The following VAV2 variants were observed in gnomAD, a reference collection of about 807,000 sequenced individuals.
VAV2 encodes vav guanine nucleotide exchange factor 2.
In VAV2, 67 loss-of-function variants were observed where a neutral mutation model predicts 132.5. The ratio of observed to expected loss-of-function variants is 0.51; its 90% CI spans 0.42 to 0.62. The LOEUF is 0.62. Ranked by LOEUF, VAV2 falls within the 20% of genes least tolerant of loss-of-function variation. The probability of loss-of-function intolerance (pLI) is 0.00; values close to 1 mark genes in which losing one functional copy is unlikely to be tolerated. For missense variants in VAV2, 938 were observed against 1,153.6 expected (o/e 0.81, Z 2.71); for synonymous variants, 492 against 443.5 (o/e 1.11, Z -1.37).
Position 133,988,235 on chromosome 9 carries a change from C to T in VAV2, c.204+3840G>A, listed in dbSNP as rs146120986. ...CCAGGGATCACAGGCACCCACCCCC[C>T]ACCCCTGCCACCCCATGAAAAGAGA... is the stretch of plus-strand genomic sequence containing the variant. On this transcript the variant is annotated intron_variant, in intron 1 of 29. Transcript: ENST00000371850. 9.8e-3 allele frequency among the ~76,000 whole-genome samples: 1,480 copies of T among 150,542 alleles called. 23 individuals are homozygous for T. The highest frequency in any genetic ancestry group is 0.034 in the African/African-American group (1,389 of 41,354).
At position 133,788,312 on chromosome 9, in the gene VAV2, C is replaced by T. The variant is rs762986425; in HGVS notation, c.1407+42G>A. Reference sequence around the variant, plus strand: ...AACCCAGTGCCTCTCTCCAGGCCACCCCCACGTTCCTGGGTAGCAGGGGGG... The same window carrying T: ...AACCCAGTGCCTCTCTCCAGGCCACTCCCACGTTCCTGGGTAGCAGGGGGG... On this transcript the variant is annotated intron_variant, in intron 15 of 29. Coordinates refer to ENST00000371850, the MANE Select transcript of VAV2 (RefSeq NM_001134398.2). The surrounding 1 kb of genome is among the most constrained non-coding windows in gnomAD (Gnocchi z 5.3). 1.3e-6 allele frequency: 2 copies of T among 1,585,178 alleles called. No homozygotes were observed. Among genetic ancestry groups the T allele is most frequent in the East Asian group, 2.3e-5 (1 of 43,918 alleles).
intron 2 of VAV2, among the ~76,000 whole-genome samples, chr9:133,909,992 G>GC (rs35607097): frequency 6.6e-6 from 1 of 151,916 alleles, no homozygotes; most frequent in African/African-American, 2.4e-5. Context: ...CCATCAGACA[G>GC]CCCCCCACGA....
chr9:133,990,647 C>G (rs1352836405), intron 1 of VAV2, among the ~76,000 whole-genome samples: 1 of 152,224 alleles, frequency 6.6e-6, no homozygotes, highest in Admixed American at 6.5e-5. Context: ...TGGTTCGAGG[C>G]CCAGCCCTGC....
At chr9:133,792,712 A>C (rs1272974362) in intron 12 of VAV2, among the ~76,000 whole-genome samples, 2 of 108,312 alleles carry the variant, frequency 1.8e-5, no homozygotes, top group East Asian at 6.1e-4. Context: ...GCATCCAGGC[A>C]CCGGGCGTTT....
chr9:133,978,007 C>T (rs969709558), intron 1 of VAV2, among the ~76,000 whole-genome samples: 1 of 135,040 alleles, frequency 7.4e-6, no homozygotes, highest in Non-Finnish European at 1.6e-5. Context: ...GCAGCTCCCA[C>T]GCCCCCTGCC....
rs1835389364 is a variant in VAV2, at chr9:133,812,291, G to T, written c.450-75C>A. ...GACCGGGGAGCCGCAGAGCACGAGG[G>T]TCCACGAGGGACGCAGGCGGCTGGG... is the stretch of plus-strand genomic sequence containing the variant. On this transcript the variant is annotated intron_variant, in intron 4 of 29. Coordinates refer to ENST00000371850, the MANE Select transcript of VAV2 (RefSeq NM_001134398.2). 8.3e-6 allele frequency: 12 copies of T among 1,451,728 alleles called. No individual in the cohort carries two copies. In the South Asian group the frequency reaches 1.3e-4, roughly 15 times the overall value. The allele number at this position is 1,451,728 out of a possible 1,614,324, so 89.9% of individuals were successfully genotyped here.
intron 2 of VAV2, among the ~76,000 whole-genome samples, chr9:133,877,205 G>A (rs1020967763): frequency 1.3e-5 from 2 of 152,158 alleles, no homozygotes; most frequent in Non-Finnish European, 2.9e-5. Flanking sequence ...TACGAGGAGA[G>A]GCTCCCTCCG....
intron 10 of VAV2, 89 bp downstream of exon 10, chr9:133,797,621 G>T: frequency 1.7e-6 from 2 of 1,170,392 alleles, no homozygotes; most frequent in Middle Eastern, 2.5e-4. Context: ...CCAACAAATG[G>T]GCAAGAGAGA....
chr9:133,895,911 G>A (rs1031691922), intron 2 of VAV2, among the ~76,000 whole-genome samples: 8 of 151,462 alleles, frequency 5.3e-5, no homozygotes, highest in Admixed American at 2.0e-4. Context: ...CTTCTTAATT[G>A]GCAGCCACAC....
intron 3 of VAV2, among the ~76,000 whole-genome samples, chr9:133,845,082 G>C (rs559194892): frequency 5.3e-5 from 8 of 152,368 alleles, no homozygotes; most frequent in Admixed American, 3.9e-4. Context: ...CACACAAACG[G>C]CTTCCTGAGC....
At position 133,975,864 on chromosome 9, in the gene VAV2, C is replaced by A. The variant is rs117096931; in HGVS notation, c.204+16211G>T. Among the ~76,000 whole-genome samples the A allele has an allele frequency of 5.8e-4, 88 of 152,286 alleles. 1 individual carries two copies. The East Asian group carries it at 0.017, about 29-fold the overall frequency. On this transcript the variant is annotated intron_variant, in intron 1 of 29. Transcript: ENST00000371850. The stretch of plus-strand genomic sequence containing the variant: ...CCCAGGAAGGCAGACGGGTCTCCTC[C>A]AACCCTCCCACACTTCTTCTCTTGT...
intron 2 of VAV2, among the ~76,000 whole-genome samples, chr9:133,891,611 GA>G (rs2131975349): frequency 7.9e-4 from 1 of 1,264 alleles, no homozygotes. Context: ...GGGAAAGAAG[GA>G]GAGGGATGGA....
rs927588074 is a variant in VAV2 at position 133,941,690 on chromosome 9, C to T, written c.205-2471G>A. On this transcript the variant is annotated intron_variant, in intron 1 of 29. Coordinates refer to ENST00000371850, the MANE Select transcript of VAV2 (RefSeq NM_001134398.2). The stretch of plus-strand genomic sequence containing the variant: ...TGATCTCGGCTCACCACAACCTCTG[C>T]CTCCCAGGTTCAAGCGAATTCTCCT... Among the ~76,000 whole-genome samples, 3 of 149,828 alleles carry T rather than the reference C, an allele frequency of 2.0e-5. No homozygotes were observed. The South Asian group carries it at 6.4e-4, about 32-fold the overall frequency.
At chr9:133,930,563 G>T (rs1310635286) in intron 2 of VAV2, among the ~76,000 whole-genome samples, 3 of 152,294 alleles carry the variant, frequency 2.0e-5, no homozygotes, top group African/African-American at 7.2e-5. Context: ...TAGTCAGAGG[G>T]AAGAGGGCAC....
In VAV2 at chr9:133,918,327, C is replaced by T. The variant is rs1840174895; in HGVS notation, c.321+20776G>A. Among the ~76,000 whole-genome samples, 1 of 148,470 alleles carries T rather than the reference C, an allele frequency of 6.7e-6. No individual in the cohort carries two copies. The highest frequency in any genetic ancestry group is 6.6e-5 in the Admixed American group (1 of 15,158). ...GAGAGCAGGAAGGCGGCGCTGGCTCCGAGCCTTGTGTCTGCATTTCCCGCA... is the reference window on the plus strand; with the variant it reads ...GAGAGCAGGAAGGCGGCGCTGGCTCTGAGCCTTGTGTCTGCATTTCCCGCA... On this transcript the variant is annotated intron_variant, in intron 2 of 29. Transcript: ENST00000371850. The surrounding 1 kb of genome is among the most constrained non-coding windows in gnomAD (Gnocchi z 4.7).
intron 2 of VAV2, among the ~76,000 whole-genome samples, chr9:133,937,424 C>CTGTG (rs374257075): frequency 0.59 from 88,835 of 149,442 alleles, 27,662 homozygotes; most frequent in East Asian, 0.76. Flanking sequence ...GACTGTATGT[C>CTGTG]TGTGTGTGTG....
In VAV2 at chr9:133,880,037, T is replaced by C. The variant is rs142931094; in HGVS notation, c.322-18605A>G. On this transcript the variant is annotated intron_variant, in intron 2 of 29. Transcript: ENST00000371850. ...TAAACCATGAGAGTGAGGACACGGA[T>C]AAGGACAAGGCCATCTGGAAGTAGA... 5.8e-4 allele frequency among the ~76,000 whole-genome samples: 89 copies of C among 152,324 alleles called. 1 individual carries two copies. Among genetic ancestry groups the C allele is most frequent in the Admixed American group, 1.2e-3 (19 of 15,306 alleles).
chr9:133,852,442 G>A lies in VAV2; in HGVS notation c.380+8932C>T, dbSNP rs187448097. On this transcript the variant is annotated intron_variant, in intron 3 of 29. Transcript: ENST00000371850. ...GGGGATGGGAAGGAGGGAGTGAGAG[G>A]AGAAAAGCAATAATAAAATCCATTA... Among the ~76,000 whole-genome samples, 12 of 151,924 alleles carry A rather than the reference G, an allele frequency of 7.9e-5. No homozygotes were observed. The East Asian group carries it at 9.7e-4, about 12-fold the overall frequency.
intron 2 of VAV2, among the ~76,000 whole-genome samples, chr9:133,868,229 G>A (rs1234880560): frequency 3.9e-5 from 6 of 152,242 alleles, no homozygotes; most frequent in Non-Finnish European, 8.8e-5. Flanking sequence ...CCCGGGGCTC[G>A]GGTCTGTGTG....
Sources: gnomAD v4.1 joint callset for allele counts (sites outside exome capture counted in the v4.1 genomes callset) on GRCh38, gnomAD v4.1.1 for gene constraint, Gnocchi (gnomAD v3.1) non-coding constraint, MANE v1.5 for transcripts, NCBI Gene and HGNC (gene_info 2026-07-23, HGNC 2026-07-21) for gene names.